The following ARAP1 variants were observed in gnomAD, a reference collection of about 807,000 sequenced individuals.
ARAP1 encodes the protein ArfGAP with RhoGAP domain, ankyrin repeat and PH domain 1.
In ARAP1, 76 loss-of-function variants were observed where a neutral mutation model predicts 172.2. That is an observed-to-expected ratio of 0.44 (90% CI 0.37 to 0.53). The LOEUF is 0.53. Among genes scored for constraint, ARAP1 ranks in the 20% least tolerant of loss-of-function variants. The pLI is 0.00. For synonymous variants in ARAP1, 804 were observed against 803.3 expected, an observed-to-expected ratio of 1.00 and a Z score of -0.01; for missense variants, 1,686 against 1,977.5, an observed-to-expected ratio of 0.85 and a Z score of 2.80.
intron 3 of ARAP1, among the ~76,000 whole-genome samples, chr11:72,722,637 A>C (rs1444672833): frequency 1.3e-5 from 2 of 152,208 alleles, no homozygotes; most frequent in Non-Finnish European, 2.9e-5. Context: ...GCTGGACTGC[A>C]GGGCAGTCAA....
intron 7 of ARAP1, 128 bp from the exon 8 acceptor site, chr11:72,711,627 T>C (rs960825954): frequency 2.9e-6 from 2 of 685,438 alleles, no homozygotes; most frequent in African/African-American, 3.5e-5. Context: ...GAATCCCAAA[T>C]GGCCACTGGC....
At chr11:72,701,018 T>TG (rs975558318) in intron 16 of ARAP1, among the ~76,000 whole-genome samples, 32 of 151,846 alleles carry the variant, frequency 2.1e-4, no homozygotes, top group African/African-American at 7.2e-4. Flanking sequence ...AAGGGAGAGA[T>TG]GGGGGGTGCT....
chr11:72,695,311 C>T lies in ARAP1; in HGVS notation c.3576+76G>A. On this transcript the variant is annotated intron_variant, in intron 26 of 34. Transcript: ENST00000393609. This position sits in a 1 kb window ranked among gnomAD's most constrained non-coding sequence, Gnocchi z 4.4. ...TCCTCTCCTCGGGGTAGAAGCACTG[C>T]TCCCCTGGCCATCTGAGCCTGTACC... The T allele has an allele frequency of 1.3e-6, 2 of 1,588,912 alleles. No individual in the cohort carries two copies. The highest frequency in any genetic ancestry group is 8.6e-7 in the Non-Finnish European group (1 of 1,159,090).
chr11:72,696,207 C>A (rs1005941231), intron 23 of ARAP1, among the ~76,000 whole-genome samples: 2 of 152,162 alleles, frequency 1.3e-5, no homozygotes, highest in African/African-American at 2.4e-5. Context: ...TCATAAGGAG[C>A]GCGCCACCTC....
Position 72,695,149 on chromosome 11 carries a change from C to T in ARAP1, c.3577-52G>A. 1 of 1,573,566 alleles carries T rather than the reference C, an allele frequency of 6.4e-7. No homozygotes were observed. Among genetic ancestry groups the T allele is most frequent in the Non-Finnish European group, 8.7e-7 (1 of 1,147,230 alleles). On this transcript the variant is annotated intron_variant, in intron 26 of 34. Transcript: ENST00000393609. This position sits in a 1 kb window ranked among gnomAD's most constrained non-coding sequence, Gnocchi z 4.4. ...CTGCCTGTGCCTAGCCCCTGCTCTG[C>T]CACAACCTTGCTATGTGACTCAGAG... is the stretch of plus-strand genomic sequence containing the variant.
rs201491013 is a variant in ARAP1 at position 72,712,562 on chromosome 11, G to A, written c.754C>T (p.Pro252Ser). The change falls in exon 6 of 35, where the codon CCC (proline) becomes TCC (serine). Residue 252 changes from proline to serine, a missense_variant. Transcript: ENST00000393609. ...GCCCGTGGGACTCGGCTCGGTGGGGGCTCCTCCTGCCCCCGAGACCCACTC... is the reference window on the plus strand; with the variant it reads ...GCCCGTGGGACTCGGCTCGGTGGGGACTCCTCCTGCCCCCGAGACCCACTC... The part of the protein sequence containing the change: ...PARVMTKKEE[P>S]PPSRVPRAVR... The A allele has an allele frequency of 3.1e-4, 506 of 1,612,556 alleles. 7 individuals are homozygous for A. The East Asian group carries it at 0.011, about 35-fold the overall frequency.
rs754530059 is a variant in ARAP1, at chr11:72,697,477, G to C, written c.2799C>G (p.Tyr933Ter). ...AGTCCAGCCGCCGCTCGCCCTGTAT[G>C]TACAGTGTCCTGGGCCAGGGACAGT... is the stretch of plus-strand genomic sequence containing the variant. ...LVLVERRRTL[Y>*]IQGERRLDFM... Residue 933 changes from tyrosine to a stop codon, truncating the protein, a stop_gained, in exon 21 of 35, where the codon TAC (tyrosine) becomes TAG (stop). Transcript: ENST00000393609. LOFTEE classifies it high-confidence loss of function. The C allele has an allele frequency of 6.2e-7, 1 of 1,613,422 alleles. No homozygotes were observed.
intron 1 of ARAP1, among the ~76,000 whole-genome samples, chr11:72,744,674 C>T (rs1362925488): frequency 3.3e-5 from 5 of 152,214 alleles, no homozygotes; most frequent in Non-Finnish European, 5.9e-5. Flanking sequence ...CAGCCTGTTC[C>T]TTGGAAGAAC....
intron 11 of ARAP1, 104 bp from the exon 12 acceptor site, chr11:72,707,478 CT>C: frequency 8.9e-7 from 1 of 1,127,552 alleles, no homozygotes; most frequent in Non-Finnish European, 1.2e-6. Context: ...GTTGGGAGCG[CT>C]TAGGCAAAAG....
At chr11:72,696,441 T>G (rs748115451) in intron 23 of ARAP1, 108 bp downstream of exon 23, 206 of 821,714 alleles carry the variant, frequency 2.5e-4, no homozygotes, top group Non-Finnish European at 3.5e-4. Flanking sequence ...CAGTCAGCAC[T>G]TGGTGCAAAA....
chr11:72,701,524 T>C, intron 16 of ARAP1, 125 bp downstream of exon 16: 2 of 1,341,450 alleles, frequency 1.5e-6, no homozygotes, highest in South Asian at 1.4e-5. Context: ...TACCACAGAC[T>C]ATATCCAGGA....
In ARAP1 at chr11:72,701,262, C is replaced by T. The variant is rs540142970; in HGVS notation, c.2302+387G>A. ...GTAATGGGGGTGGTGGCCAACTGTG[C>T]GGGCTCTTGTGGATTTTCTTCTGAG... is the stretch of plus-strand genomic sequence containing the variant. On this transcript the variant is annotated intron_variant, in intron 16 of 34. Transcript: ENST00000393609. Among the ~76,000 whole-genome samples, 7 of 152,106 alleles carry T rather than the reference C, an allele frequency of 4.6e-5. No individual in the cohort carries two copies. In the East Asian group the frequency reaches 1.4e-3, roughly 29 times the overall value.
rs1856298826 is a variant in ARAP1 at position 72,698,079 on chromosome 11, G to C, written c.2569C>G (p.Leu857Val). 4.4e-6 allele frequency: 7 copies of C among 1,604,542 alleles called. No homozygotes were observed. Among genetic ancestry groups the C allele is most frequent in the Non-Finnish European group, 6.0e-6 (7 of 1,176,224 alleles). ...KAFVPPLAEDLLARDFERLGR... is the reference protein window; with the variant it reads ...KAFVPPLAEDVLARDFERLGR... ...AGCCGCTCAAAATCCCGGGCCAGCA[G>C]ATCCTCGGCTAGGGGAGGCACGAAT... Residue 857 changes from leucine to valine, a missense_variant, in exon 19 of 35, where the codon CTG (leucine) becomes GTG (valine). Physicochemically the swap from Leu to Val is conservative, Grantham distance 32 (BLOSUM62 1). Coordinates refer to ENST00000393609, the MANE Select transcript of ARAP1 (RefSeq NM_001040118.3).
At chr11:72,696,912 A>G in intron 22 of ARAP1, 71 bp downstream of exon 22, 1 of 1,479,682 alleles carries the variant, frequency 6.8e-7, no homozygotes, top group Non-Finnish European at 9.1e-7. Context: ...CAAGTGCCAC[A>G]AGGGAAGGGC....
intron 3 of ARAP1, among the ~76,000 whole-genome samples, chr11:72,724,456 A>G (rs200454799): frequency 6.6e-6 from 1 of 152,134 alleles, no homozygotes; most frequent in East Asian, 1.9e-4. Flanking sequence ...GGGGGTGGGC[A>G]GGAGCAGTGT....
Position 72,685,621 on chromosome 11 carries a change from C to T in ARAP1, c.*43G>A, listed in dbSNP as rs1855636491. The T allele has an allele frequency of 1.2e-6, 2 of 1,614,018 alleles. No homozygotes were observed. The highest frequency in any genetic ancestry group is 1.3e-5 in the African/African-American group (1 of 75,060). On this transcript the variant is annotated 3_prime_UTR_variant, in exon 35 of 35. Transcript: ENST00000393609. ...GCATAAGGGGTGTCTGAACAGAAGG[C>T]TTCCAGCGGCGGAATCCTAGAGCCA...
intron 1 of ARAP1, among the ~76,000 whole-genome samples, chr11:72,747,057 G>A (rs960591496): frequency 3.9e-5 from 6 of 152,294 alleles, no homozygotes; most frequent in African/African-American, 1.2e-4. Context: ...CTTCTGTCCC[G>A]GGGGTTAAGC....
chr11:72,735,550 C>A (rs1172131421), intron 1 of ARAP1, among the ~76,000 whole-genome samples: 1 of 152,054 alleles, frequency 6.6e-6, no homozygotes, highest in East Asian at 1.9e-4. Context: ...GAGCTGAGAT[C>A]GTGCCATTGC....
At chr11:72,713,786 G>C (rs926183266) in intron 4 of ARAP1, among the ~76,000 whole-genome samples, 1 of 151,184 alleles carries the variant, frequency 6.6e-6, no homozygotes, top group African/African-American at 2.4e-5. Flanking sequence ...GGCAGAGCTT[G>C]CAGTGGGCGG....
Sources: gnomAD v4.1 joint callset for allele counts (sites outside exome capture counted in the v4.1 genomes callset) on GRCh38, gnomAD v4.1.1 for gene constraint, Gnocchi (gnomAD v3.1) non-coding constraint, MANE v1.5 for transcripts, NCBI Gene and HGNC (gene_info 2026-07-23, HGNC 2026-07-21) for gene names.